Variants in GALNT13 observed in about 807,000 individuals in gnomAD.
GALNT13 encodes UDP-GalNAc:polypeptide N-acetylgalactosaminyltransferase 13.
A neutral mutation model predicts 64.2 loss-of-function variants in GALNT13; 28 were observed. That is an observed-to-expected ratio of 0.44 (90% CI 0.32 to 0.60). GALNT13 has a LOEUF of 0.60. Ranked by LOEUF, GALNT13 falls within the 20% of genes least tolerant of loss-of-function variation. The pLI is 0.05. For synonymous variants in GALNT13, 214 were observed against 224.6 expected (o/e 0.95, Z 0.42); for missense variants, 577 against 669.8 (o/e 0.86, Z 1.53).
At chr2:154,332,213 T>C (rs1000084273) in intron 9 of GALNT13, among the ~76,000 whole-genome samples, 5 of 152,118 alleles carry the variant, frequency 3.3e-5, no homozygotes, top group African/African-American at 1.2e-4. Context: ...GAGGTTGTCC[T>C]TGAGTACATG....
intron 3 of GALNT13, among the ~76,000 whole-genome samples, chr2:154,001,133 G>T (rs1052973085): frequency 2.0e-5 from 3 of 151,780 alleles, no homozygotes; most frequent in African/African-American, 7.3e-5. Flanking sequence ...TTCAGTTTGT[G>T]TGGAATATCT....
intron 3 of GALNT13, among the ~76,000 whole-genome samples, chr2:154,030,825 A>G (rs1166902188): frequency 6.6e-6 from 1 of 152,114 alleles, no homozygotes; most frequent in Non-Finnish European, 1.5e-5. Context: ...CATGATTATA[A>G]GTTTCCTGAG....
the GALNT13 span, among the ~76,000 whole-genome samples, chr2:153,734,161 G>T: frequency 6.6e-6 from 1 of 152,180 alleles, no homozygotes; most frequent in South Asian, 2.1e-4. Context: ...AACACTCAAA[G>T]GTGCTTGTTT....
At chr2:153,551,698 A>C in the GALNT13 span, among the ~76,000 whole-genome samples, 1 of 152,156 alleles carries the variant, frequency 6.6e-6, no homozygotes, top group African/African-American at 2.4e-5. Flanking sequence ...GAGATAAGGA[A>C]GTTTGTGAGA....
intron 3 of GALNT13, among the ~76,000 whole-genome samples, chr2:154,018,431 T>C (rs1697164067): frequency 6.6e-6 from 1 of 152,200 alleles, no homozygotes; most frequent in South Asian, 2.1e-4. Flanking sequence ...CTCATAGATA[T>C]CAGTCTCTGC....
the GALNT13 span, among the ~76,000 whole-genome samples, chr2:153,852,689 A>C: frequency 6.6e-6 from 1 of 152,264 alleles, no homozygotes; most frequent in African/African-American, 2.4e-5. Flanking sequence ...CAACAACAGC[A>C]TAATACACAA....
chr2:153,171,580 C>T, the GALNT13 span, among the ~76,000 whole-genome samples: 1 of 152,020 alleles, frequency 6.6e-6, no homozygotes, highest in East Asian at 1.9e-4. Context: ...GAGAAGTTTA[C>T]CAACAATCCT....
At chr2:153,640,837 T>C in the GALNT13 span, among the ~76,000 whole-genome samples, 18 of 152,008 alleles carry the variant, frequency 1.2e-4, no homozygotes, top group Admixed American at 4.6e-4. Flanking sequence ...CATTGGGAAA[T>C]AGTAGAGAAG....
chr2:153,163,396 C>G, the GALNT13 span, among the ~76,000 whole-genome samples: 1 of 152,082 alleles, frequency 6.6e-6, no homozygotes, highest in Non-Finnish European at 1.5e-5. Flanking sequence ...TTCAGGACTG[C>G]GTTATACTTT....
chr2:153,998,583 A>G (rs777273000), intron 3 of GALNT13, among the ~76,000 whole-genome samples: 9 of 152,122 alleles, frequency 5.9e-5, no homozygotes, highest in Non-Finnish European at 1.3e-4. Context: ...ATGTTTACCC[A>G]TTCTGTAGGT....
At chr2:153,803,495 A>G in the GALNT13 span, among the ~76,000 whole-genome samples, 1 of 152,072 alleles carries the variant, frequency 6.6e-6, no homozygotes, top group South Asian at 2.1e-4. Context: ...GATCGAGACC[A>G]TCCTGGCTAA....
the GALNT13 span, among the ~76,000 whole-genome samples, chr2:153,139,973 T>G: frequency 6.6e-6 from 1 of 152,082 alleles, no homozygotes; most frequent in Admixed American, 6.6e-5. Flanking sequence ...GGTTCTTAGC[T>G]ATTTATTTTC....
the GALNT13 span, among the ~76,000 whole-genome samples, chr2:153,781,335 A>G: frequency 1.3e-5 from 2 of 152,188 alleles, no homozygotes; most frequent in African/African-American, 2.4e-5. Context: ...GTGACTTTCT[A>G]TTGCCTCAGT....
chr2:154,243,681 T>G (rs1689620305), intron 6 of GALNT13, among the ~76,000 whole-genome samples: 1 of 152,218 alleles, frequency 6.6e-6, no homozygotes, highest in Non-Finnish European at 1.5e-5. Flanking sequence ...ACACTGGTGA[T>G]AAGAGAGTAT....
intron 4 of GALNT13, among the ~76,000 whole-genome samples, chr2:154,199,592 G>A (rs923096429): frequency 6.6e-6 from 1 of 151,870 alleles, no homozygotes; most frequent in Non-Finnish European, 1.5e-5. Flanking sequence ...TTTTGTAGTT[G>A]TTTGACAGTG....
chr2:153,594,043 C>T, the GALNT13 span, among the ~76,000 whole-genome samples: 1 of 152,248 alleles, frequency 6.6e-6, no homozygotes, highest in Non-Finnish European at 1.5e-5. Context: ...AGGCAATTTA[C>T]ATTAATTAGG....
At chr2:153,309,715 A>AT in the GALNT13 span, among the ~76,000 whole-genome samples, 4 of 151,878 alleles carry the variant, frequency 2.6e-5, no homozygotes, top group Admixed American at 1.3e-4. Flanking sequence ...TCATTTTTTG[A>AT]TTTTTTTAAG....
intron 8 of GALNT13, among the ~76,000 whole-genome samples, chr2:154,283,110 T>C (rs1212169492): frequency 1.3e-5 from 2 of 152,194 alleles, no homozygotes; most frequent in African/African-American, 4.8e-5. Flanking sequence ...CTTCAGCATC[T>C]CAATGAAGGC....
At position 154,438,652 on chromosome 2, in the gene GALNT13, A is replaced by G. The variant is rs1701121450; in HGVS notation, c.1456A>G (p.Arg486Gly). ...RTDDLCLDVS[R>G]LNGPVIMLKC... is the part of the protein sequence containing the mutation. ...CGATGACTTGTGCTTGGATGTTTCT[A>G]GACTCAATGGACCTGTAATCATGTT... Residue 486 changes from arginine to glycine, a missense_variant, in exon 12 of 13, where the codon AGA becomes GGA. By Grantham distance (125) the Arg-to-Gly change is moderately radical. Coordinates refer to ENST00000392825, the MANE Select transcript of GALNT13 (RefSeq NM_052917.4). 6.2e-7 allele frequency: 1 copy of G among 1,612,124 alleles called. No individual in the cohort carries two copies. Among genetic ancestry groups the G allele is most frequent in the African/African-American group, 1.3e-5 (1 of 74,872 alleles).
Sources: allele counts gnomAD v4.1 joint callset (sites outside exome capture counted in the v4.1 genomes callset), GRCh38; gene constraint gnomAD v4.1.1; transcripts MANE v1.5; gene names NCBI Gene and HGNC (gene_info 2026-07-23, HGNC 2026-07-21).